The following MCOLN2 variants were observed in gnomAD, a reference collection of about 807,000 sequenced individuals.
MCOLN2 encodes the protein mucolipin-2.
MCOLN2 carries 57 observed loss-of-function variants against 67.5 expected under a neutral mutation model. The ratio of observed to expected loss-of-function variants is 0.84; its 90% CI spans 0.68 to 1.05. The LOEUF (loss-of-function observed/expected upper bound fraction) is 1.05. MCOLN2 is among the 50% of genes least tolerant of loss of function. The pLI is 0.00. For missense variants in MCOLN2, 620 were observed against 678.8 expected (o/e 0.91, Z 0.96); for synonymous variants, 246 against 233.3 (o/e 1.05, Z -0.50).
intron 7 of MCOLN2, among the ~76,000 whole-genome samples, chr1:84,944,796 G>C (rs1244474034): frequency 1.3e-5 from 2 of 152,114 alleles, no homozygotes; most frequent in African/African-American, 2.4e-5. Flanking sequence ...GAGCCTGGGG[G>C]TAAGCGTGTG....
intron 13 of MCOLN2, 86 bp from the exon 14 acceptor site, chr1:84,926,807 G>T: frequency 2.0e-6 from 2 of 989,374 alleles, no homozygotes; most frequent in Non-Finnish European, 1.4e-6. Context: ...TATATTCTAG[G>T]CCCGTAGATT....
rs1443238167 is a variant in MCOLN2 at position 84,996,426 on chromosome 1, A to ATATT, written c.77+369_77+370insAATA. ...TATATATATATATATATATATATATATATATGTTTGGAGAGCAGGAAACGG... is the reference window on the plus strand; with the variant it reads ...TATATATATATATATATATATATATATATTTATATGTTTGGAGAGCAGGAAACGG... On this transcript the variant is annotated intron_variant, in intron 1 of 13. Coordinates refer to ENST00000370608, the MANE Select transcript of MCOLN2 (RefSeq NM_153259.4). Among the ~76,000 whole-genome samples the ATATT allele has an allele frequency of 3.8e-5, 4 of 104,402 alleles. 1 individual carries two copies. The highest frequency in any genetic ancestry group is 6.2e-5 in the Non-Finnish European group (3 of 48,374). The allele number at this position is 104,402 out of a possible 152,430, so 68.5% of individuals were successfully genotyped here.
intron 2 of MCOLN2, among the ~76,000 whole-genome samples, chr1:84,960,537 T>C (rs752887192): frequency 6.6e-6 from 1 of 152,218 alleles, no homozygotes; most frequent in Non-Finnish European, 1.5e-5. Flanking sequence ...TCAAATGCCA[T>C]GTCAAAGGAT....
At chr1:84,970,259 C>T (rs1244236653) in intron 1 of MCOLN2, among the ~76,000 whole-genome samples, 1 of 150,506 alleles carries the variant, frequency 6.6e-6, no homozygotes, top group African/African-American at 2.4e-5. Flanking sequence ...TACCCCCCAA[C>T]TCCCCCCACC....
In MCOLN2 at chr1:84,965,629, A is replaced by G. The variant is rs748215633; in HGVS notation, c.157T>C (p.Cys53Arg). 2 of 1,614,060 alleles carry G rather than the reference A, an allele frequency of 1.2e-6. No individual in the cohort carries two copies. The highest frequency in any genetic ancestry group is 1.7e-6 in the Non-Finnish European group (2 of 1,179,954). The stretch of plus-strand genomic sequence containing the variant: ...TGGCGTCTGGCTCGGTATTTTTCAC[A>G]AGGGCTCATGAAGTAAAACTTCAGG... ...EDLKFYFMSP[C>R]EKYRARRQIP... The change falls in exon 2 of 14, where the codon TGT (cysteine) becomes CGT (arginine). Residue 53 changes from cysteine to arginine, a missense_variant. By Grantham distance (180) the Cys-to-Arg change is radical. Transcript: ENST00000370608.
rs918770668 is a variant in MCOLN2 at position 84,939,763 on chromosome 1, G to A, written c.961-61C>T. The stretch of plus-strand genomic sequence containing the variant: ...CCACACTGCCCTCTGGAAGAAGAAG[G>A]CAAGTGCAAAACAGTGCTCTCACCT... On this transcript the variant is annotated intron_variant, in intron 8 of 13. Coordinates refer to ENST00000370608, the MANE Select transcript of MCOLN2 (RefSeq NM_153259.4). 1.5e-5 allele frequency: 23 copies of A among 1,575,892 alleles called. No individual in the cohort carries two copies. In the African/African-American group the frequency reaches 2.7e-4, roughly 19 times the overall value.
chr1:84,992,057 C>A (rs960726833), intron 1 of MCOLN2, among the ~76,000 whole-genome samples: 2 of 152,126 alleles, frequency 1.3e-5, no homozygotes, highest in Non-Finnish European at 2.9e-5. Flanking sequence ...ATTGAGGTTA[C>A]CTTAATTTTG....
chr1:84,937,754 C>A lies in MCOLN2; in HGVS notation c.1335+1G>T, dbSNP rs777965449. The A allele has an allele frequency of 2.5e-6, 4 of 1,614,156 alleles. No individual in the cohort carries two copies. The highest frequency in any genetic ancestry group is 3.4e-6 in the Non-Finnish European group (4 of 1,180,024). On this transcript the variant is annotated splice_donor_variant, in intron 11 of 13. Coordinates refer to ENST00000370608, the MANE Select transcript of MCOLN2 (RefSeq NM_153259.4). LOFTEE classifies it high-confidence loss of function. Reference sequence around the variant, plus strand: ...CAGAAGGAAGAATGTGAGCTACACACCTTGTCATGGTATGGTCCTAAGACA... The same window carrying A: ...CAGAAGGAAGAATGTGAGCTACACAACTTGTCATGGTATGGTCCTAAGACA...
intron 13 of MCOLN2, among the ~76,000 whole-genome samples, chr1:84,928,285 C>T (rs188183785): frequency 1.3e-5 from 2 of 152,328 alleles, no homozygotes; most frequent in East Asian, 3.9e-4. Flanking sequence ...GACCCTCCGT[C>T]TCACCATGCA....
chr1:84,947,197 T>G (rs1256638794), intron 6 of MCOLN2, 65 bp from the exon 7 acceptor site: 6 of 847,576 alleles, frequency 7.1e-6, no homozygotes, highest in African/African-American at 1.7e-5. Flanking sequence ...AGATCAAATC[T>G]GCTTAAAAAA....
intron 6 of MCOLN2, among the ~76,000 whole-genome samples, chr1:84,951,755 G>A (rs747597274): frequency 6.6e-6 from 1 of 152,206 alleles, no homozygotes; most frequent in Non-Finnish European, 1.5e-5. Context: ...ATCTTCAGAA[G>A]TAATGGTCTC....
chr1:84,965,598 G>A lies in MCOLN2; in HGVS notation c.188C>T (p.Pro63Leu), dbSNP rs200938463. The A allele has an allele frequency of 3.5e-5, 56 of 1,613,918 alleles. No individual in the cohort carries two copies. The highest frequency in any genetic ancestry group is 4.3e-5 in the Non-Finnish European group (51 of 1,179,968). ...CEKYRARRQI[P>L]WKLGLQILKI... ...CAAAATCTGCAAACCCAGTTTCCAC[G>A]GAATCTGGCGTCTGGCTCGGTATTT... Residue 63 changes from proline (P) to leucine (L), a missense_variant, in exon 2 of 14, where the codon CCG becomes CTG. By Grantham distance (98) the Pro-to-Leu change is moderately conservative. Coordinates refer to ENST00000370608, the MANE Select transcript of MCOLN2 (RefSeq NM_153259.4).
chr1:84,931,664 T>C (rs372347505), intron 11 of MCOLN2, 96 bp from the exon 12 acceptor site: 33 of 1,006,504 alleles, frequency 3.3e-5, no homozygotes, highest in Admixed American at 1.2e-4. Flanking sequence ...TTTTTGTCAT[T>C]GTAGTAGTGG....
intron 7 of MCOLN2, among the ~76,000 whole-genome samples, chr1:84,942,512 A>G (rs1189049926): frequency 2.0e-5 from 3 of 152,216 alleles, no homozygotes; most frequent in Non-Finnish European, 2.9e-5. Flanking sequence ...ATATACAAAG[A>G]GCCCATGAAA....
intron 4 of MCOLN2, among the ~76,000 whole-genome samples, chr1:84,955,271 T>C (rs1186361048): frequency 6.6e-6 from 1 of 152,148 alleles, no homozygotes; most frequent in Non-Finnish European, 1.5e-5. Flanking sequence ...TTATAAATTA[T>C]TGCGTATGTC....
intron 12 of MCOLN2, among the ~76,000 whole-genome samples, chr1:84,930,263 T>C (rs1240940833): frequency 6.8e-6 from 1 of 148,002 alleles, no homozygotes; most frequent in African/African-American, 2.6e-5. Context: ...ACCCTCTCTC[T>C]TTTTTTAAAA....
Position 84,958,680 on chromosome 1 carries a change from T to C in MCOLN2, c.260A>G (p.Asn87Ser), listed in dbSNP as rs1384973565. The C allele has an allele frequency of 1.3e-6, 2 of 1,584,024 alleles. No individual in the cohort carries two copies. The highest frequency in any genetic ancestry group is 1.9e-5 in the Admixed American group (1 of 51,408). ...TTQLVRFGLS[N>S]QLVVAFKEDN... ...TTCTTTGAAAGCAACCACCAGCTGG[T>C]TACTTAAACCAAAACGAACAAGCTA... Residue 87 changes from asparagine (N) to serine (S), a missense_variant, in exon 3 of 14, where the codon AAC becomes AGC. Coordinates refer to ENST00000370608, the MANE Select transcript of MCOLN2 (RefSeq NM_153259.4).
rs1647807469 is a variant in MCOLN2 at position 84,941,883 on chromosome 1, G to A, written c.848-892C>T. Among the ~76,000 whole-genome samples, 3 of 152,160 alleles carry A rather than the reference G, an allele frequency of 2.0e-5. No individual in the cohort carries two copies. In the South Asian group the frequency reaches 6.2e-4, roughly 32 times the overall value. ...TCAGATTTTTGGTTTGGAGCACACA[G>A]CAGCAAGAAGAATGTATGGGAAGGA... On this transcript the variant is annotated intron_variant, in intron 7 of 13. Transcript: ENST00000370608.
At chr1:84,952,563 T>C (rs1190722451) in intron 4 of MCOLN2, 33 bp from the exon 5 acceptor site, 1 of 1,449,308 alleles carries the variant, frequency 6.9e-7, no homozygotes, top group African/African-American at 1.4e-5. Flanking sequence ...AATGGTTGTT[T>C]CAGGCAAGAA....
Sources: gnomAD v4.1 joint callset for allele counts (sites outside exome capture counted in the v4.1 genomes callset) on GRCh38, gnomAD v4.1.1 for gene constraint, MANE v1.5 for transcripts, NCBI Gene and HGNC (gene_info 2026-07-23, HGNC 2026-07-21) for gene names.